Variants in KBTBD12 observed in about 807,000 individuals in gnomAD.
KBTBD12 encodes kelch repeat and BTB domain containing 12.
A neutral mutation model predicts 58.7 loss-of-function variants in KBTBD12; 53 were observed. The observed-to-expected ratio is 0.90, with a 90% CI of 0.72 to 1.14. The LOEUF (loss-of-function observed/expected upper bound fraction) is 1.14. Among genes scored for constraint, KBTBD12 ranks in the 50% most tolerant of loss-of-function variants. The pLI, the probability that KBTBD12 is intolerant of heterozygous loss-of-function variation, is 0.00. For missense variants in KBTBD12, 704 were observed against 751.3 expected, an observed-to-expected ratio of 0.94 and a Z score of 0.74; for synonymous variants, 236 against 259.8, an observed-to-expected ratio of 0.91 and a Z score of 0.88.
rs568053386 is a variant in KBTBD12, at chr3:127,927,931, G to A, written c.1238G>A (p.Arg413Gln). The A allele has an allele frequency of 1.5e-5, 25 of 1,613,342 alleles. No homozygotes were observed. Among genetic ancestry groups the A allele is most frequent in the African/African-American group, 1.1e-4 (8 of 75,018 alleles). ...TGTGTTGATAAGTACTCTGTAGAAC[G>A]GGACAATTGGAAAAGGGTGTCTCCC... is the stretch of plus-strand genomic sequence containing the variant. Reference protein sequence around the residue: ...TNCVDKYSVERDNWKRVSPLP... With the variant: ...TNCVDKYSVEQDNWKRVSPLP... Residue 413 changes from arginine to glutamine, a missense_variant, in exon 3 of 6, where the codon CGG becomes CAG. Transcript: ENST00000405109.
At chr3:127,957,298 C>A (rs1279067954) in intron 4 of KBTBD12, among the ~76,000 whole-genome samples, 1 of 152,116 alleles carries the variant, frequency 6.6e-6, no homozygotes, top group African/African-American at 2.4e-5. Flanking sequence ...GTCAAGCATC[C>A]TTTAGAAGAT....
intron 1 of KBTBD12, among the ~76,000 whole-genome samples, 164 bp from the exon 2 acceptor site, chr3:127,922,786 G>A (rs1245223108): frequency 4.6e-5 from 7 of 152,242 alleles, no homozygotes; most frequent in South Asian, 4.1e-4. Context: ...TACTGTTTAC[G>A]TAATCAAAAT....
At chr3:127,916,069 A>G (rs1190303192) in intron 1 of KBTBD12, among the ~76,000 whole-genome samples, 2 of 152,232 alleles carry the variant, frequency 1.3e-5, no homozygotes, top group Non-Finnish European at 1.5e-5. Context: ...TTTCCCCCAA[A>G]TGATTCTTAA....
chr3:127,970,924 G>C (rs972205473), intron 5 of KBTBD12, among the ~76,000 whole-genome samples: 2 of 152,168 alleles, frequency 1.3e-5, no homozygotes, highest in Non-Finnish European at 2.9e-5. Context: ...TTTTCAAGGG[G>C]TGAATTTTAT....
chr3:127,968,649 G>T (rs1438505358), intron 5 of KBTBD12, among the ~76,000 whole-genome samples: 1 of 152,196 alleles, frequency 6.6e-6, no homozygotes, highest in Non-Finnish European at 1.5e-5. Flanking sequence ...GCATCAGGAA[G>T]AACAGCTAAT....
intron 1 of KBTBD12, among the ~76,000 whole-genome samples, chr3:127,919,764 G>T (rs1326863073): frequency 6.6e-6 from 1 of 151,562 alleles, no homozygotes; most frequent in East Asian, 1.9e-4. Context: ...AATTCATGAT[G>T]TATCTATTAT....
At chr3:127,976,827 T>G (rs1016876273) in intron 5 of KBTBD12, among the ~76,000 whole-genome samples, 3 of 152,234 alleles carry the variant, frequency 2.0e-5, no homozygotes, top group East Asian at 3.8e-4. Flanking sequence ...TCTGTTCTTT[T>G]TGTGTGTGTT....
chr3:127,984,021 A>T, intron 5 of KBTBD12, 76 bp from the exon 6 acceptor site: 1 of 1,144,766 alleles, frequency 8.7e-7, no homozygotes, highest in Non-Finnish European at 1.3e-6. Flanking sequence ...GGAGGAAGTT[A>T]CTCAGTATGG....
intron 2 of KBTBD12, among the ~76,000 whole-genome samples, chr3:127,926,343 T>G (rs1049457743): frequency 6.6e-6 from 1 of 152,232 alleles, no homozygotes; most frequent in Non-Finnish European, 1.5e-5. Flanking sequence ...AAAGTTCATT[T>G]ATATATTAAT....
intron 5 of KBTBD12, among the ~76,000 whole-genome samples, chr3:127,968,726 C>G (rs1940631530): frequency 6.6e-6 from 1 of 151,802 alleles, no homozygotes; most frequent in Non-Finnish European, 1.5e-5. Context: ...CACACATTTA[C>G]CTATGTAACA....
At position 127,922,863 on chromosome 3, in the gene KBTBD12, T is replaced by C. The variant is rs115280882; in HGVS notation, c.-112-87T>C. ...GCTTGGAGTGAATAATATCTGTTTA[T>C]AAATACTTTTTTTAGAACTAATGCT... is the stretch of plus-strand genomic sequence containing the variant. On this transcript the variant is annotated intron_variant, in intron 1 of 5. Coordinates refer to ENST00000405109, the MANE Select transcript of KBTBD12 (RefSeq NM_207335.4). 807 of 483,988 alleles carry C rather than the reference T, an allele frequency of 1.7e-3. 5 individuals carry two copies. Among genetic ancestry groups the C allele is most frequent in the African/African-American group, 0.014 (752 of 51,882 alleles). 30.0% of individuals were successfully genotyped at this position (483,988 alleles called of 1,614,324 possible).
intron 4 of KBTBD12, among the ~76,000 whole-genome samples, chr3:127,945,066 C>CTGT (rs993955473): frequency 6.9e-6 from 1 of 145,312 alleles, no homozygotes; most frequent in South Asian, 2.3e-4. Flanking sequence ...TTTGTTTTTG[C>CTGT]TGTTGTTGTT....
chr3:127,983,720 C>T (rs1212426901), intron 5 of KBTBD12, among the ~76,000 whole-genome samples: 7 of 152,032 alleles, frequency 4.6e-5, no homozygotes, highest in Admixed American at 3.9e-4. Context: ...CCAGTGCACT[C>T]CAGCCTGGGT....
At chr3:127,931,957 T>A (rs1939713799) in intron 4 of KBTBD12, among the ~76,000 whole-genome samples, 1 of 152,000 alleles carries the variant, frequency 6.6e-6, no homozygotes, top group Non-Finnish European at 1.5e-5. Context: ...AGAAGCAGAT[T>A]ATAGAGGCCT....
intron 4 of KBTBD12, among the ~76,000 whole-genome samples, chr3:127,955,999 A>T (rs922772949): frequency 1.3e-5 from 2 of 152,238 alleles, no homozygotes; most frequent in Non-Finnish European, 2.9e-5. Context: ...TCATACATTC[A>T]TGATGAACAA....
intron 5 of KBTBD12, among the ~76,000 whole-genome samples, chr3:127,964,789 C>T (rs1410998162): frequency 6.6e-6 from 1 of 152,142 alleles, no homozygotes; most frequent in Non-Finnish European, 1.5e-5. Flanking sequence ...AAAAACTTTA[C>T]TTTTTCTTTC....
At chr3:127,949,492 A>C (rs917036899) in intron 4 of KBTBD12, among the ~76,000 whole-genome samples, 1 of 152,104 alleles carries the variant, frequency 6.6e-6, no homozygotes, top group Admixed American at 6.6e-5. Context: ...AGGACCAGAC[A>C]CCTCAATTCT....
chr3:127,947,365 T>C (rs894463843), intron 4 of KBTBD12, among the ~76,000 whole-genome samples: 5 of 152,108 alleles, frequency 3.3e-5, no homozygotes, highest in Non-Finnish European at 7.4e-5. Context: ...TCCTTAGGCA[T>C]GGGCCAGTCT....
Position 127,915,297 on chromosome 3 carries a change from G to C in KBTBD12, c.-402G>C, listed in dbSNP as rs1939199275. 6.6e-6 allele frequency: 1 copy of C among 152,412 alleles called. No homozygotes were observed. The highest frequency in any genetic ancestry group is 1.5e-5 in the Non-Finnish European group (1 of 68,206). 9.4% of individuals were successfully genotyped at this position (152,412 alleles called of 1,614,324 possible). On this transcript the variant is annotated 5_prime_UTR_variant, in exon 1 of 6. Coordinates refer to ENST00000405109, the MANE Select transcript of KBTBD12 (RefSeq NM_207335.4). The stretch of plus-strand genomic sequence containing the variant: ...ACACCGGGGCTGTAGTCGCCGTCTG[G>C]AACCAGCGCGGGAATAGGTGCGCAG...
Sources: gnomAD v4.1 joint callset for allele counts (sites outside exome capture counted in the v4.1 genomes callset) on GRCh38, gnomAD v4.1.1 for gene constraint, MANE v1.5 for transcripts, NCBI Gene and HGNC (gene_info 2026-07-23, HGNC 2026-07-21) for gene names.